BIRC6: variants seen among roughly 807,000 people sequenced by gnomAD.
BIRC6 encodes the protein baculoviral IAP repeat containing 6, also known as dual E2 ubiquitin-conjugating enzyme/E3 ubiquitin-protein ligase BIRC6.
Under a neutral mutation model 503.3 loss-of-function variants are expected in BIRC6, and 98 were observed. The observed-to-expected ratio is 0.19, with a 90% CI of 0.17 to 0.23. BIRC6 has a LOEUF of 0.23. Among genes scored for constraint, BIRC6 ranks in the 10% least tolerant of loss-of-function variants. BIRC6 has a pLI of 1.00. For synonymous variants in BIRC6, 2,240 were observed against 2,078.7 expected (o/e 1.08, Z -2.11); for missense variants, 5,360 against 5,806.0 (o/e 0.92, Z 2.50).
intron 3 of BIRC6, among the ~76,000 whole-genome samples, chr2:32,382,406 ATGTCCTTT>A (rs1183961579): frequency 6.6e-6 from 1 of 152,242 alleles, no homozygotes; most frequent in Non-Finnish European, 1.5e-5. Flanking sequence ...CTACTGCATC[ATGTCCTTT>A]GCTGAAACAG....
At chr2:32,491,984 A>G (rs1253308730) in intron 44 of BIRC6, among the ~76,000 whole-genome samples, 1 of 152,150 alleles carries the variant, frequency 6.6e-6, no homozygotes, top group Non-Finnish European at 1.5e-5. Flanking sequence ...AATATTGCTC[A>G]GGACTTATAA....
At chr2:32,502,382 T>C (rs1335571693) in intron 47 of BIRC6, among the ~76,000 whole-genome samples, 1 of 152,178 alleles carries the variant, frequency 6.6e-6, no homozygotes, top group Non-Finnish European at 1.5e-5. Context: ...TTTACTTTCT[T>C]GTCCATTTCC....
intron 56 of BIRC6, 95 bp from the exon 57 acceptor site, chr2:32,518,722 T>G: frequency 3.0e-6 from 4 of 1,350,476 alleles, no homozygotes; most frequent in Non-Finnish European, 4.1e-6. Flanking sequence ...TAGGATTTAT[T>G]GAGTATTTTA....
intron 6 of BIRC6, among the ~76,000 whole-genome samples, chr2:32,397,630 G>A (rs1025368049): frequency 1.2e-3 from 141 of 122,596 alleles, no homozygotes; most frequent in African/African-American, 3.6e-3. Context: ...ATATATATAT[G>A]TATATATATA....
chr2:32,377,777 G>GA lies in BIRC6; in HGVS notation c.507+11dup, dbSNP rs762575771. 1.1e-5 allele frequency: 17 copies of GA among 1,606,124 alleles called. No homozygotes were observed. Among genetic ancestry groups the GA allele is most frequent in the Middle Eastern group, 1.7e-4 (1 of 6,012 alleles). ...GAATTACCCGTTACAGAGGTAAGTT[G>GA]AAATAAGTATCAATGTGGTCCTCTA... On this transcript the variant is annotated intron_variant, in intron 2 of 73. Transcript: ENST00000421745.
chr2:32,535,150 CAAAA>C (rs1158856665), intron 61 of BIRC6, among the ~76,000 whole-genome samples: 351 of 7,236 alleles, frequency 0.049, no homozygotes, highest in African/African-American at 0.15. Flanking sequence ...CCCAAAAAAG[CAAAA>C]AAAAAAAAAA....
At chr2:32,535,549 G>A (rs1019302008) in intron 61 of BIRC6, among the ~76,000 whole-genome samples, 8 of 152,128 alleles carry the variant, frequency 5.3e-5, no homozygotes, top group African/African-American at 1.9e-4. Context: ...GTGAGAACAT[G>A]CAGTGTTTGG....
chr2:32,579,855 T>C (rs908318178), intron 66 of BIRC6, among the ~76,000 whole-genome samples: 1 of 152,042 alleles, frequency 6.6e-6, no homozygotes, highest in Non-Finnish European at 1.5e-5. Flanking sequence ...ATGCATTCAC[T>C]TAACAGATTT....
At chr2:32,419,219 A>G (rs1168397856) in intron 10 of BIRC6, among the ~76,000 whole-genome samples, 1 of 152,244 alleles carries the variant, frequency 6.6e-6, no homozygotes, top group Admixed American at 6.5e-5. Flanking sequence ...TTTAAAAAGC[A>G]TCTCAGACTG....
intron 72 of BIRC6, among the ~76,000 whole-genome samples, chr2:32,609,869 C>T (rs777979030): frequency 5.3e-5 from 8 of 151,882 alleles, no homozygotes; most frequent in Non-Finnish European, 1.2e-4. Context: ...TAATTTGAGA[C>T]AATCAACTTT....
chr2:32,461,622 A>G (rs2048004740), intron 23 of BIRC6, among the ~76,000 whole-genome samples: 1 of 151,684 alleles, frequency 6.6e-6, no homozygotes, highest in African/African-American at 2.4e-5. Flanking sequence ...AAATTTAATT[A>G]TAAGAGGATA....
At chr2:32,523,817 G>C (rs939535805) in intron 57 of BIRC6, among the ~76,000 whole-genome samples, 1 of 152,276 alleles carries the variant, frequency 6.6e-6, no homozygotes, top group East Asian at 1.9e-4. Context: ...ACTTTAGTAG[G>C]CTGAGGCAGG....
intron 45 of BIRC6, among the ~76,000 whole-genome samples, 157 bp downstream of exon 45, chr2:32,493,824 T>C (rs2052067269): frequency 1.3e-5 from 2 of 152,232 alleles, no homozygotes; most frequent in Non-Finnish European, 2.9e-5. Context: ...TGTTTCCTGA[T>C]TGTTTCCATT....
chr2:32,543,384 A>G lies in BIRC6; in HGVS notation c.12435A>G (p.Ser4145=), dbSNP rs762904716. ...CGGCTGAACCTCCACCTATCAAGTC[A>G]GCAGTACAGACCATGTCTCCCATAC... ...TVAAEPPPIK[S]AVQTMSPIPA... Residue 4145 remains serine, a synonymous_variant, in exon 62 of 74, where the codon TCA becomes TCG. Coordinates refer to ENST00000421745, the MANE Select transcript of BIRC6 (RefSeq NM_016252.4). 1.2e-6 allele frequency: 2 copies of G among 1,614,028 alleles called. No individual in the cohort carries two copies. Among genetic ancestry groups the G allele is most frequent in the Non-Finnish European group, 1.7e-6 (2 of 1,179,892 alleles).
intron 61 of BIRC6, among the ~76,000 whole-genome samples, chr2:32,542,388 A>G (rs2057729293): frequency 6.6e-6 from 1 of 152,186 alleles, no homozygotes; most frequent in South Asian, 2.1e-4. Flanking sequence ...ATAAGGAAGT[A>G]GGATCCTGCT....
At chr2:32,526,135 G>A (rs889332443) in intron 59 of BIRC6, among the ~76,000 whole-genome samples, 1 of 152,158 alleles carries the variant, frequency 6.6e-6, no homozygotes, top group Non-Finnish European at 1.5e-5. Flanking sequence ...CATGACACAA[G>A]TGGAAAATTC....
chr2:32,462,082 A>G (rs2148841264), intron 23 of BIRC6, among the ~76,000 whole-genome samples: 1 of 152,188 alleles, frequency 6.6e-6, no homozygotes, highest in South Asian at 2.1e-4. Context: ...GGGGATCATG[A>G]TGCCTGGGCC....
intron 23 of BIRC6, among the ~76,000 whole-genome samples, chr2:32,461,126 T>C (rs191458118): frequency 2.6e-4 from 1 of 3,852 alleles, no homozygotes. Flanking sequence ...TCCTCTCCTC[T>C]CCTCCCCTCC....
chr2:32,460,871 C>CT (rs2047817661), intron 23 of BIRC6, among the ~76,000 whole-genome samples: 1 of 151,900 alleles, frequency 6.6e-6, no homozygotes, highest in African/African-American at 2.4e-5. Context: ...TTTAGCAAGT[C>CT]TAACAGTTTC....
Sources: gnomAD v4.1 joint callset for allele counts (sites outside exome capture counted in the v4.1 genomes callset) on GRCh38, gnomAD v4.1.1 for gene constraint, MANE v1.5 for transcripts, NCBI Gene and HGNC (gene_info 2026-07-23, HGNC 2026-07-21) for gene names.